The following COL4A2 variants were observed in gnomAD, a reference collection of about 807,000 sequenced individuals.
COL4A2 encodes collagen alpha-2(IV) chain.
In COL4A2, 99 loss-of-function variants were observed where a neutral mutation model predicts 200.2. The ratio of observed to expected loss-of-function variants is 0.49; its 90% CI spans 0.42 to 0.58. The LOEUF (loss-of-function observed/expected upper bound fraction) is 0.58, where lower values mean the gene tolerates loss of function less well. Among genes scored for constraint, COL4A2 ranks in the 20% least tolerant of loss-of-function variants. The pLI is 0.00. For missense variants in COL4A2, 1,950 were observed against 2,314.1 expected (o/e 0.84, Z 3.23); for synonymous variants, 897 against 900.6 (o/e 1.00, Z 0.07).
rs945651445 is a variant in COL4A2 at position 110,503,187 on chromosome 13, A to G, written c.3944A>G (p.Asn1315Ser). 1 of 1,613,800 alleles carries G rather than the reference A, an allele frequency of 6.2e-7. No homozygotes were observed. The change falls in exon 42 of 48, where the codon AAC becomes AGC. Residue 1315 changes from asparagine to serine, a missense_variant. By Grantham distance (46) the Asn-to-Ser change is conservative. This residue lies in a region of COL4A2 where 1,385 missense variants were observed against 1,720.5 expected (regional missense o/e 0.80). Transcript: ENST00000360467. ...CCTGGAAGCAAAGGTGACACAGGGA[A>G]CCCAGGAGCTCCAGGAACCCCAGGG... ...ALPGSKGDTG[N>S]PGAPGTPGTK...
At chr13:110,357,109 C>T (rs1032043659) in intron 3 of COL4A2, among the ~76,000 whole-genome samples, 1 of 152,172 alleles carries the variant, frequency 6.6e-6, no homozygotes, top group South Asian at 2.1e-4. Flanking sequence ...ACATACAGCA[C>T]CAAGGGTGAA....
At chr13:110,388,212 C>G (rs1319677024) in intron 4 of COL4A2, among the ~76,000 whole-genome samples, 1 of 152,158 alleles carries the variant, frequency 6.6e-6, no homozygotes, top group African/African-American at 2.4e-5. Context: ...TAATAACAGC[C>G]CCTCCAGGAC....
intron 19 of COL4A2, 60 bp downstream of exon 19, chr13:110,449,849 C>T: frequency 4.7e-6 from 7 of 1,490,906 alleles, no homozygotes; most frequent in Non-Finnish European, 6.3e-6. Context: ...CAGGTCCTAG[C>T]ACACACAAGG....
At chr13:110,382,689 G>A (rs936619895) in intron 4 of COL4A2, among the ~76,000 whole-genome samples, 1 of 152,122 alleles carries the variant, frequency 6.6e-6, no homozygotes, top group Non-Finnish European at 1.5e-5. Flanking sequence ...AATTTGAATA[G>A]GAGAGATCAA....
intron 3 of COL4A2, among the ~76,000 whole-genome samples, chr13:110,316,336 C>T (rs550182928): frequency 6.6e-6 from 1 of 152,320 alleles, no homozygotes; most frequent in South Asian, 2.1e-4. Flanking sequence ...GTGCCCTGGA[C>T]TGCATCAAAA....
At chr13:110,477,826 G>A in intron 29 of COL4A2, 177 bp from the exon 30 acceptor site, 1 of 499,808 alleles carries the variant, frequency 2.0e-6, no homozygotes, top group East Asian at 3.5e-5. Context: ...ATTACCGCTG[G>A]GTGATGGTGT....
chr13:110,308,763 C>T (rs1464746030), intron 3 of COL4A2, among the ~76,000 whole-genome samples: 1 of 152,196 alleles, frequency 6.6e-6, no homozygotes, highest in African/African-American at 2.4e-5. Flanking sequence ...ACAGCCCTGC[C>T]GATACCGTGG....
At chr13:110,389,768 T>A (rs969834979) in intron 4 of COL4A2, among the ~76,000 whole-genome samples, 3 of 152,154 alleles carry the variant, frequency 2.0e-5, no homozygotes, top group African/African-American at 4.8e-5. Flanking sequence ...CAGTCCTTGC[T>A]TAGGTGAACT....
rs79472216 is a variant in COL4A2, at chr13:110,385,875, G to A, written c.180+28323G>A. On this transcript the variant is annotated intron_variant, in intron 4 of 47. Coordinates refer to ENST00000360467, the MANE Select transcript of COL4A2 (RefSeq NM_001846.4). ...GGCCGTGGTTGCAGCGTGTGGATGG[G>A]CCGTGGTTACAGCGTGTGGATAGGC... Among the ~76,000 whole-genome samples, 43 of 61,842 alleles carry A rather than the reference G, an allele frequency of 7.0e-4. 8 individuals carry two copies. The highest frequency in any genetic ancestry group is 1.6e-3 in the East Asian group (3 of 1,900). 40.6% of individuals were successfully genotyped at this position (61,842 alleles called of 152,430 possible). A position where few individuals can be genotyped will look rare whatever the true frequency, so the allele number is the denominator to read the frequency against.
rs781075845 is a variant in COL4A2 at position 110,449,713 on chromosome 13, A to G, written c.1113A>G (p.Gln371=). The G allele has an allele frequency of 1.0e-5, 16 of 1,549,716 alleles. No homozygotes were observed. In the Admixed American group the frequency reaches 2.0e-4, roughly 19 times the overall value. ...ARGDPGFPGA[Q]GEPGSQGEPG... ...GTGACCCGGGATTCCCAGGGGCCCA[A>G]GGGGAGCCAGGAAGCCAGGGTGAGC... The change falls in exon 19 of 48, where the codon CAA becomes CAG. Residue 371 remains glutamine, a synonymous_variant. Transcript: ENST00000360467.
At chr13:110,408,679 G>A (rs1259537160) in intron 4 of COL4A2, among the ~76,000 whole-genome samples, 5 of 152,256 alleles carry the variant, frequency 3.3e-5, no homozygotes, top group Middle Eastern at 3.4e-3. Flanking sequence ...GAGAGAAAGC[G>A]CCAAACATCC....
Position 110,493,168 on chromosome 13 carries a change from C to A in COL4A2, c.3563-43C>A, listed in dbSNP as rs758016367. 9 of 1,610,750 alleles carry A rather than the reference C, an allele frequency of 5.6e-6. No homozygotes were observed. In the South Asian group the frequency reaches 6.6e-5, roughly 12 times the overall value. ...GTGAAATAAATAACGATGAGTGACA[C>A]CCCCGCAGGTGAAATAAATAACGAT... On this transcript the variant is annotated intron_variant, in intron 38 of 47. Transcript: ENST00000360467.
chr13:110,409,076 A>G (rs1183527783), intron 4 of COL4A2, among the ~76,000 whole-genome samples: 2 of 140,354 alleles, frequency 1.4e-5, no homozygotes, highest in African/African-American at 5.3e-5. Context: ...ACACGTACAC[A>G]CATGCACATA....
chr13:110,429,275 A>C (rs7317900), intron 7 of COL4A2: 151,040 of 152,386 alleles, frequency 0.99, 74,876 homozygotes, highest in Middle Eastern at 1. Flanking sequence ...CTGCTAGTTC[A>C]CCTTTCCTCG....
chr13:110,410,812 G>A (rs1299551089), intron 4 of COL4A2, among the ~76,000 whole-genome samples: 1 of 152,168 alleles, frequency 6.6e-6, no homozygotes, highest in Non-Finnish European at 1.5e-5. Flanking sequence ...GGGAAGGGCA[G>A]TGACTTGCCT....
At chr13:110,438,802 ACCC>A in intron 15 of COL4A2, 134 bp downstream of exon 15, 11 of 594,988 alleles carry the variant, frequency 1.8e-5, no homozygotes, top group Middle Eastern at 4.6e-4. Flanking sequence ...ATTACTCCCC[ACCC>A]CCCCCCACAC....
chr13:110,481,862 G>GT lies in COL4A2; in HGVS notation c.2759-653dup, dbSNP rs67362307. The stretch of plus-strand genomic sequence containing the variant: ...TGGAGACACACTGCTCTGTCCCTCC[G>GT]TGCTGGAGACACACTGCTCTGTCCC... On this transcript the variant is annotated intron_variant, in intron 31 of 47. Transcript: ENST00000360467. Among the ~76,000 whole-genome samples the GT allele has an allele frequency of 5.8e-4, 42 of 72,308 alleles. 6 individuals carry two copies. The highest frequency in any genetic ancestry group is 9.6e-4 in the East Asian group (3 of 3,114). 47.4% of individuals were successfully genotyped at this position (72,308 alleles called of 152,430 possible). A position where few individuals can be genotyped will look rare whatever the true frequency, so the allele number is the denominator to read the frequency against.
intron 33 of COL4A2, among the ~76,000 whole-genome samples, chr13:110,485,314 G>A (rs972106637): frequency 5.1e-4 from 77 of 152,232 alleles, no homozygotes; most frequent in Middle Eastern, 6.8e-3. Context: ...ACAAGGTGAG[G>A]AGATCAAGAC....
chr13:110,342,356 C>T (rs1037081994), intron 3 of COL4A2, among the ~76,000 whole-genome samples: 2 of 152,184 alleles, frequency 1.3e-5, no homozygotes, highest in Non-Finnish European at 2.9e-5. Context: ...CATGCTTACT[C>T]AGTGAAAATC....
Sources: allele counts gnomAD v4.1 joint callset (sites outside exome capture counted in the v4.1 genomes callset), GRCh38; gene constraint gnomAD v4.1.1; regional missense constraint gnomAD v4.1.1; transcripts MANE v1.5; gene names NCBI Gene and HGNC (gene_info 2026-07-23, HGNC 2026-07-21).